SEPTIN5: variants seen among roughly 807,000 people sequenced by gnomAD.
The protein encoded by SEPTIN5 is septin-5.
In SEPTIN5, 16 loss-of-function variants were observed where a neutral mutation model predicts 51.2. That is an observed-to-expected ratio of 0.31 (90% confidence interval 0.21 to 0.47). SEPTIN5 has a LOEUF of 0.47. Among genes scored for constraint, SEPTIN5 ranks in the 20% least tolerant of loss-of-function variants. SEPTIN5 has a pLI of 0.99. For synonymous variants in SEPTIN5, 208 were observed against 191.2 expected (o/e 1.09, Z -0.72); for missense variants, 376 against 500.3 (o/e 0.75, Z 2.37).
At chr22:19,720,500 A>G (rs1369051052) in intron 6 of SEPTIN5, 46 bp downstream of exon 6, 6 of 1,613,324 alleles carry the variant, frequency 3.7e-6, no homozygotes, top group South Asian at 1.1e-5. Flanking sequence ...AGCCCCTACA[A>G]TATGGCCCCC....
chr22:19,720,357 G>A lies in SEPTIN5; in HGVS notation c.400G>A (p.Glu134Lys), dbSNP rs1936002921. 1.2e-6 allele frequency: 2 copies of A among 1,613,866 alleles called. No individual in the cohort carries two copies. The highest frequency in any genetic ancestry group is 1.3e-5 in the African/African-American group (1 of 74,950). Reference sequence around the variant, plus strand: ...CACCGACTATGTGGACCAGCAGTTTGAGCAGTACTTCCGTGATGAGAGCGG... The same window carrying A: ...CACCGACTATGTGGACCAGCAGTTTAAGCAGTACTTCCGTGATGAGAGCGG... ...PITDYVDQQFEQYFRDESGLN... is the reference protein window; with the variant it reads ...PITDYVDQQFKQYFRDESGLN... Residue 134 changes from glutamate (E) to lysine (K), a missense_variant, in exon 6 of 12, where the codon GAG becomes AAG. Physicochemically the swap from Glu to Lys is moderately conservative, Grantham distance 56. Coordinates refer to ENST00000455784, the MANE Select transcript of SEPTIN5 (RefSeq NM_002688.6).
intron 2 of SEPTIN5, chr22:19,718,550 T>TC: frequency 2.3e-6 from 3 of 1,286,806 alleles, no homozygotes; most frequent in Non-Finnish European, 2.0e-6. Context: ...TCGGTCGGCC[T>TC]CGGGGGTCGA....
In SEPTIN5 at chr22:19,720,392, A is replaced by T. The variant is rs752210054; in HGVS notation, c.435A>T (p.Arg145=). 1.2e-6 allele frequency: 2 copies of T among 1,614,022 alleles called. No individual in the cohort carries two copies. The highest frequency in any genetic ancestry group is 1.7e-6 in the Non-Finnish European group (2 of 1,180,020). ...QYFRDESGLN[R]KNIQDNRVHC... is the part of the protein sequence containing the mutation. The stretch of plus-strand genomic sequence containing the variant: ...TCCGTGATGAGAGCGGCCTCAACCG[A>T]AAGAACATCCAAGACAACCGAGTGC... The change falls in exon 6 of 12, where the codon CGA becomes CGT. Residue 145 remains arginine, a synonymous_variant. Transcript: ENST00000455784.
chr22:19,720,830 C>T lies in SEPTIN5; in HGVS notation c.678C>T (p.Asp226=), dbSNP rs370825391. The change falls in exon 8 of 12, where the codon GAC becomes GAT. Residue 226 remains aspartate, a synonymous_variant. Transcript: ENST00000455784. The part of the protein sequence containing the change: ...HVYQFPECDS[D]EDEDFKQQDR... ...ACCAGTTCCCTGAGTGTGACTCGGA[C>T]GAGGATGAGGACTTCAAGCAGCAGG... 82 of 1,613,514 alleles carry T rather than the reference C, an allele frequency of 5.1e-5. No individual in the cohort carries two copies. Among genetic ancestry groups the T allele is most frequent in the East Asian group, 2.0e-4 (9 of 44,892 alleles).
chr22:19,721,657 C>A lies in SEPTIN5; in HGVS notation c.735C>A (p.Ala245=). The A allele has an allele frequency of 2.5e-6, 4 of 1,612,860 alleles. No homozygotes were observed. Among genetic ancestry groups the A allele is most frequent in the Non-Finnish European group, 3.4e-6 (4 of 1,179,780 alleles). ...TCCCCCAGGAGAGCGCGCCCTTCGC[C>A]GTTATAGGCAGCAACACGGTGGTGG... ...DRELKESAPF[A]VIGSNTVVEA... The change falls in exon 9 of 12, where the codon GCC becomes GCA. Residue 245 remains alanine, a synonymous_variant. Coordinates refer to ENST00000455784, the MANE Select transcript of SEPTIN5 (RefSeq NM_002688.6).
chr22:19,720,940 T>C, intron 8 of SEPTIN5, 71 bp downstream of exon 8: 1 of 1,372,122 alleles, frequency 7.3e-7, no homozygotes, highest in East Asian at 2.3e-5. Flanking sequence ...CTTTGTCTCC[T>C]TCACATTGAG....
At chr22:19,721,025 C>T (rs1440104804) in intron 8 of SEPTIN5, among the ~76,000 whole-genome samples, 156 bp downstream of exon 8, 2 of 152,190 alleles carry the variant, frequency 1.3e-5, no homozygotes, top group East Asian at 3.9e-4. Flanking sequence ...ACCTGTACCC[C>T]CTTCATCCAG....
intron 8 of SEPTIN5, among the ~76,000 whole-genome samples, 161 bp downstream of exon 8, chr22:19,721,030 A>T (rs113146898): frequency 6.6e-6 from 1 of 152,152 alleles, no homozygotes; most frequent in Non-Finnish European, 1.5e-5. Context: ...TACCCCCTTC[A>T]TCCAGGGCTA....
At chr22:19,719,138 A>C (rs917900453) in intron 2 of SEPTIN5, 4 of 243,834 alleles carry the variant, frequency 1.6e-5, no homozygotes, top group Non-Finnish European at 3.1e-5. Flanking sequence ...CTGCTCCGCC[A>C]CCGCCGCTGC....
intron 2 of SEPTIN5, 133 bp from the exon 3 acceptor site, chr22:19,719,469 T>C: frequency 1.4e-6 from 1 of 710,602 alleles, no homozygotes; most frequent in South Asian, 2.0e-5. Context: ...CCTCCCCTTA[T>C]TTTTGCCAAC....
At position 19,720,156 on chromosome 22, in the gene SEPTIN5, G is replaced by C; in HGVS notation, c.280G>C (p.Asp94His). ...GGTAGAGATTCTAAAACACACGGTG[G>C]ACATTGAGGAGAAGGGAGTCAAGCT... The part of the protein sequence containing the change: ...QTVEILKHTV[D>H]IEEKGVKLKL... The change falls in exon 5 of 12, where the codon GAC becomes CAC. Residue 94 changes from aspartate (D) to histidine (H), a missense_variant. Coordinates refer to ENST00000455784, the MANE Select transcript of SEPTIN5 (RefSeq NM_002688.6). 1 of 1,613,424 alleles carries C rather than the reference G, an allele frequency of 6.2e-7. No individual in the cohort carries two copies. The highest frequency in any genetic ancestry group is 8.5e-7 in the Non-Finnish European group (1 of 1,180,014).
In SEPTIN5 at chr22:19,723,182, G is replaced by C. The variant is rs1209884516; in HGVS notation, c.*698G>C. 1 of 586,902 alleles carries C rather than the reference G, an allele frequency of 1.7e-6. No homozygotes were observed. The highest frequency in any genetic ancestry group is 2.2e-5 in the Admixed American group (1 of 46,348). The allele number at this position is 586,902 out of a possible 1,614,324, so 36.4% of individuals were successfully genotyped here. A position where few individuals can be genotyped will look rare whatever the true frequency, so the allele number is the denominator to read the frequency against. ...GGCCTCTTCTCCCCAGCACCGCTGT[G>C]GTGTGCCGGGATCCTGAGCCTAGGC... On this transcript the variant is annotated 3_prime_UTR_variant, in exon 12 of 12. Transcript: ENST00000455784.
At position 19,722,920 on chromosome 22, in the gene SEPTIN5, C is replaced by T. The variant is rs1190148867; in HGVS notation, c.*436C>T. 1.3e-5 allele frequency: 6 copies of T among 445,662 alleles called. No homozygotes were observed. In the Admixed American group the frequency reaches 2.1e-4, roughly 15 times the overall value. The allele number at this position is 445,662 out of a possible 1,614,324, so 27.6% of individuals were successfully genotyped here. A position where few individuals can be genotyped will look rare whatever the true frequency, so the allele number is the denominator to read the frequency against. ...CGGGTCACCCAGCGAGTGCTGAGAC[C>T]CCATTTTCTGTCGAGGCGGGCCGAG... On this transcript the variant is annotated 3_prime_UTR_variant, in exon 12 of 12. Transcript: ENST00000455784.
chr22:19,722,699 A>G lies in SEPTIN5; in HGVS notation c.*215A>G, dbSNP rs1936072779. The stretch of plus-strand genomic sequence containing the variant: ...CCCTCTCTGACCTTGGGGGATCAGG[A>G]GCGAAGTTGGGCGGGACTTCAGAGA... On this transcript the variant is annotated 3_prime_UTR_variant, in exon 12 of 12. Coordinates refer to ENST00000455784, the MANE Select transcript of SEPTIN5 (RefSeq NM_002688.6). The G allele has an allele frequency of 1.7e-6, 1 of 601,742 alleles. No individual in the cohort carries two copies. Among genetic ancestry groups the G allele is most frequent in the Non-Finnish European group, 2.9e-6 (1 of 343,044 alleles). 37.3% of individuals were successfully genotyped at this position (601,742 alleles called of 1,614,324 possible). A position where few individuals can be genotyped will look rare whatever the true frequency, so the allele number is the denominator to read the frequency against.
Position 19,723,238 on chromosome 22 carries a change from C to A in SEPTIN5, c.*754C>A, listed in dbSNP as rs1041480828. The A allele has an allele frequency of 1.8e-5, 12 of 654,922 alleles. No individual in the cohort carries two copies. Among genetic ancestry groups the A allele is most frequent in the Admixed American group, 1.0e-4 (5 of 48,272 alleles). The allele number at this position is 654,922 out of a possible 1,614,324, so 40.6% of individuals were successfully genotyped here. ...GATGTTCCCACCCGCATGATCCCTT[C>A]CCGCCACACGATGCTCCGTTTTCTT... On this transcript the variant is annotated 3_prime_UTR_variant, in exon 12 of 12. Coordinates refer to ENST00000455784, the MANE Select transcript of SEPTIN5 (RefSeq NM_002688.6).
At position 19,719,082 on chromosome 22, in the gene SEPTIN5, GGC is replaced by G. The variant is rs1935969111; in HGVS notation, c.55-514_55-513del. 1.5e-5 allele frequency: 5 copies of G among 343,510 alleles called. No individual in the cohort carries two copies. The East Asian group carries it at 2.2e-4, about 15-fold the overall frequency. The allele number at this position is 343,510 out of a possible 1,614,324, so 21.3% of individuals were successfully genotyped here. A position where few individuals can be genotyped will look rare whatever the true frequency, so the allele number is the denominator to read the frequency against. Reference sequence around the variant, plus strand: ...AGGGTCTGCGGGGGCTGGGCGCCTGGGCGCGCGGGCGGGGGAGGCTCGGCGCC... The same window carrying G: ...AGGGTCTGCGGGGGCTGGGCGCCTGGGCGCGGGCGGGGGAGGCTCGGCGCC... On this transcript the variant is annotated intron_variant, in intron 2 of 11. Coordinates refer to ENST00000455784, the MANE Select transcript of SEPTIN5 (RefSeq NM_002688.6).
rs1036652430 is a variant in SEPTIN5 at position 19,722,425 on chromosome 22, C to T, written c.1054-3C>T. On this transcript the variant is annotated splice_polypyrimidine_tract_variant and splice_region_variant and intron_variant, in intron 11 of 11. Coordinates refer to ENST00000455784, the MANE Select transcript of SEPTIN5 (RefSeq NM_002688.6). ...TCACCCGCCGGGTTGTCTCCGCCCG[C>T]AGCTGAGGCGCATGCAGGAGATGCT... 7.5e-6 allele frequency: 12 copies of T among 1,601,152 alleles called. No homozygotes were observed. The highest frequency in any genetic ancestry group is 1.0e-5 in the Non-Finnish European group (12 of 1,174,200).
At position 19,720,440 on chromosome 22, in the gene SEPTIN5, C is replaced by T; in HGVS notation, c.483C>T (p.Ser161=). Residue 161 remains serine, a synonymous_variant, in exon 6 of 12, where the codon TCC becomes TCT. Coordinates refer to ENST00000455784, the MANE Select transcript of SEPTIN5 (RefSeq NM_002688.6). ...NRVHCCLYFI[S]PFGHGLRPVD... is the part of the protein sequence containing the mutation. ...TGCACTGCTGCCTATACTTCATCTC[C>T]CCCTTCGGGCATGGGTGTGTGGCTG... The T allele has an allele frequency of 6.2e-7, 1 of 1,613,852 alleles. No homozygotes were observed. Among genetic ancestry groups the T allele is most frequent in the Non-Finnish European group, 8.5e-7 (1 of 1,179,962 alleles).
At chr22:19,719,319 G>C (rs574715224) in intron 2 of SEPTIN5, 1 of 387,856 alleles carries the variant, frequency 2.6e-6, no homozygotes, top group Non-Finnish European at 4.7e-6. Flanking sequence ...CATCGCCTGT[G>C]CCTGCTGCGG....
Sources: gnomAD v4.1 joint callset for allele counts (sites outside exome capture counted in the v4.1 genomes callset) on GRCh38, gnomAD v4.1.1 for gene constraint, MANE v1.5 for transcripts, NCBI Gene and HGNC (gene_info 2026-07-23, HGNC 2026-07-21) for gene names.